GREB1: variants seen among roughly 807,000 people sequenced by gnomAD.
GREB1 encodes protein GREB1.
GREB1 carries 106 observed loss-of-function variants against 200.7 expected under a neutral mutation model. The observed-to-expected ratio is 0.53, with a 90% CI of 0.45 to 0.62. GREB1 has a LOEUF of 0.62. GREB1 is among the 20% of genes least tolerant of loss of function. The pLI is 0.00. For synonymous variants in GREB1, 1,132 were observed against 1,092.4 expected, an observed-to-expected ratio of 1.04 and a Z score of -0.72; for missense variants, 2,243 against 2,556.8, an observed-to-expected ratio of 0.88 and a Z score of 2.65.
chr2:11,568,881 C>T (rs552714554), intron 4 of GREB1, among the ~76,000 whole-genome samples: 1 of 152,234 alleles, frequency 6.6e-6, no homozygotes, highest in Non-Finnish European at 1.5e-5. Flanking sequence ...AATAAAATAA[C>T]TTTATGCTCT....
intron 4 of GREB1, among the ~76,000 whole-genome samples, chr2:11,568,079 T>C (rs1677871750): frequency 1.3e-5 from 2 of 152,240 alleles, no homozygotes; most frequent in African/African-American, 4.8e-5. Context: ...ACGGTCTTCA[T>C]GCAGAAGCAA....
At chr2:11,582,538 C>A (rs1572802204) in intron 7 of GREB1, among the ~76,000 whole-genome samples, 1 of 152,348 alleles carries the variant, frequency 6.6e-6, no homozygotes, top group African/African-American at 2.4e-5. Context: ...GGCACCTGCT[C>A]TGTGCAGGAG....
Position 11,630,877 on chromosome 2 carries a change from C to A in GREB1, c.4611+768C>A, listed in dbSNP as rs184983292. ...CAGTTGGCTGCTCTTTAACCAGCCC[C>A]GCTCAAGGCAGGCCATGTGGAGAAG... is the stretch of plus-strand genomic sequence containing the variant. On this transcript the variant is annotated intron_variant, in intron 26 of 32. Coordinates refer to ENST00000381486, the MANE Select transcript of GREB1 (RefSeq NM_014668.4). 2.9e-3 allele frequency among the ~76,000 whole-genome samples: 436 copies of A among 152,320 alleles called. 1 individual carries two copies. Among genetic ancestry groups the A allele is most frequent in the Non-Finnish European group, 4.4e-3 (300 of 68,026 alleles).
intron 1 of GREB1, among the ~76,000 whole-genome samples, chr2:11,490,377 T>C (rs998426727): frequency 3.9e-5 from 6 of 152,248 alleles, no homozygotes. Flanking sequence ...TGTTGTAGCA[T>C]GTATCAGAAC....
At chr2:11,619,566 T>C (rs574265822) in intron 22 of GREB1, among the ~76,000 whole-genome samples, 1 of 152,246 alleles carries the variant, frequency 6.6e-6, no homozygotes, top group Admixed American at 6.5e-5. Flanking sequence ...GAGTCTCCCT[T>C]CTTCCATACC....
chr2:11,612,786 G>T (rs1683052704), intron 19 of GREB1, among the ~76,000 whole-genome samples, 176 bp downstream of exon 19: 1 of 152,234 alleles, frequency 6.6e-6, no homozygotes, highest in African/African-American at 2.4e-5. Flanking sequence ...GAGTGCGTCT[G>T]AGGCCCGTGC....
At position 11,556,506 on chromosome 2, in the gene GREB1, A is replaced by T; in HGVS notation, c.-109A>T. 1.2e-6 allele frequency: 1 copy of T among 864,788 alleles called. No individual in the cohort carries two copies. The highest frequency in any genetic ancestry group is 1.8e-6 in the Non-Finnish European group (1 of 551,308). 53.6% of individuals were successfully genotyped at this position (864,788 alleles called of 1,614,324 possible). The stretch of plus-strand genomic sequence containing the variant: ...TCTTCGTCTCTGCTGAGCGAAGGCT[A>T]CACGGCCCTTCCTCCTTGCAGCTGT... On this transcript the variant is annotated 5_prime_UTR_variant, in exon 2 of 33. Transcript: ENST00000381486.
At chr2:11,607,595 T>TAGATACATATATAC (rs1553373778) in intron 17 of GREB1, among the ~76,000 whole-genome samples, 4 of 136,478 alleles carry the variant, frequency 2.9e-5, no homozygotes, top group Admixed American at 7.2e-5. Context: ...CATATATACA[T>TAGATACATATATAC]ATATATACAT....
At chr2:11,568,944 A>C (rs1238057397) in intron 4 of GREB1, among the ~76,000 whole-genome samples, 2 of 152,372 alleles carry the variant, frequency 1.3e-5, no homozygotes, top group East Asian at 3.9e-4. Context: ...TCTGATGGCT[A>C]TACAGGACAA....
chr2:11,564,617 C>T (rs1677430790), intron 3 of GREB1, among the ~76,000 whole-genome samples: 1 of 152,206 alleles, frequency 6.6e-6, no homozygotes, highest in African/African-American at 2.4e-5. Context: ...GGCCTACATC[C>T]CTCCAGCTCT....
At chr2:11,573,515 C>G (rs1370936164) in intron 4 of GREB1, among the ~76,000 whole-genome samples, 2 of 152,164 alleles carry the variant, frequency 1.3e-5, no homozygotes, top group African/African-American at 2.4e-5. Context: ...TTATTTTCCT[C>G]TTTCTCATGA....
rs900787928 is a variant in GREB1, at chr2:11,559,166, G to A, written c.157+2395G>A. ...AGCCTTGTACGGAATGGAGGGAAGC[G>A]GCGCTCCAGGCCCCTGAGTTCCTGT... is the stretch of plus-strand genomic sequence containing the variant. On this transcript the variant is annotated intron_variant, in intron 2 of 32. Transcript: ENST00000381486. Among the ~76,000 whole-genome samples, 17 of 152,132 alleles carry A rather than the reference G, an allele frequency of 1.1e-4. No homozygotes were observed. The East Asian group carries it at 3.1e-3, about 28-fold the overall frequency.
At chr2:11,532,421 A>G (rs1447067928), upstream of GREB1, among the ~76,000 whole-genome samples, 5 of 152,206 alleles carry the variant, frequency 3.3e-5, no homozygotes, top group Admixed American at 3.3e-4. Flanking sequence ...GGCAGAGCTG[A>G]TAACGTCCTC....
At chr2:11,587,739 A>AGTG in intron 9 of GREB1, 1 of 697,420 alleles carries the variant, frequency 1.4e-6, no homozygotes, top group African/African-American at 2.0e-5. Flanking sequence ...ACACACACAC[A>AGTG]CACGCCACCT....
chr2:11,491,644 C>T (rs530194698), intron 1 of GREB1, among the ~76,000 whole-genome samples: 2 of 152,138 alleles, frequency 1.3e-5, no homozygotes, highest in Non-Finnish European at 2.9e-5. Flanking sequence ...AATAATTTCC[C>T]AGAATTTTCG....
chr2:11,602,991 GC>G (rs1350283533), intron 17 of GREB1, among the ~76,000 whole-genome samples: 5 of 152,154 alleles, frequency 3.3e-5, no homozygotes, highest in African/African-American at 1.2e-4. Flanking sequence ...GCCTCTCTGA[GC>G]CACTTGCTAC....
At chr2:11,614,540 G>GC (rs905890674) in intron 19 of GREB1, among the ~76,000 whole-genome samples, 3 of 151,846 alleles carry the variant, frequency 2.0e-5, no homozygotes, top group African/African-American at 7.3e-5. Context: ...TCAGGTTCAA[G>GC]CCCCCCCTTT....
At position 11,611,012 on chromosome 2, in the gene GREB1, C is replaced by T. The variant is rs1226782372; in HGVS notation, c.2991C>T (p.Phe997=). The T allele has an allele frequency of 3.1e-6, 5 of 1,590,708 alleles. No homozygotes were observed. The highest frequency in any genetic ancestry group is 2.3e-5 in the East Asian group (1 of 43,734). ...PSSGVTVGKH[F]VKQLRMWQKI... ...CAGGCGTCACCGTGGGGAAGCACTT[C>T]GTAAAGCAGCTCAGGGTAGGTGCTG... The change falls in exon 18 of 33, where the codon TTC becomes TTT. Residue 997 remains phenylalanine (F), a synonymous_variant. Coordinates refer to ENST00000381486, the MANE Select transcript of GREB1 (RefSeq NM_014668.4).
At chr2:11,551,035 C>T (rs1675770405) in intron 1 of GREB1, among the ~76,000 whole-genome samples, 1 of 152,184 alleles carries the variant, frequency 6.6e-6, no homozygotes, top group African/African-American at 2.4e-5. Context: ...TTTACTGGTA[C>T]CATGGGAAGA....
Sources: allele counts gnomAD v4.1 joint callset (sites outside exome capture counted in the v4.1 genomes callset), GRCh38; gene constraint gnomAD v4.1.1; transcripts MANE v1.5; gene names NCBI Gene and HGNC (gene_info 2026-07-23, HGNC 2026-07-21).